Variants in ITGA9 observed in about 807,000 individuals in gnomAD.
ITGA9 encodes integrin alpha-9.
Under a neutral mutation model 127.8 loss-of-function variants are expected in ITGA9, and 56 were observed. The observed-to-expected ratio is 0.44, with a 90% CI of 0.35 to 0.55. ITGA9 has a LOEUF of 0.55. Among genes scored for constraint, ITGA9 ranks in the 20% least tolerant of loss-of-function variants. The pLI, the probability that ITGA9 is intolerant of heterozygous loss-of-function variation, is 0.00. For missense variants in ITGA9, 1,196 were observed against 1,347.1 expected (o/e 0.89, Z 1.76); for synonymous variants, 508 against 514.5 (o/e 0.99, Z 0.17).
At chr3:37,556,662 G>T (rs1329327772) in intron 15 of ITGA9, among the ~76,000 whole-genome samples, 2 of 152,346 alleles carry the variant, frequency 1.3e-5, no homozygotes, top group Non-Finnish European at 2.9e-5. Context: ...CCCTGGTGAC[G>T]CTGGTGCTGC....
chr3:37,757,839 T>C (rs2125541293), intron 23 of ITGA9, among the ~76,000 whole-genome samples: 1 of 151,780 alleles, frequency 6.6e-6, no homozygotes, highest in African/African-American at 2.4e-5. Context: ...CTAGTAGGCT[T>C]TCAAGGAATG....
At chr3:37,593,525 A>T (rs73064786) in intron 15 of ITGA9, among the ~76,000 whole-genome samples, 20,346 of 152,174 alleles carry the variant, frequency 0.13, 1,712 homozygotes, top group Admixed American at 0.28. Context: ...TGGCTTAGAG[A>T]CGGCCACCTT....
rs147565269 is a variant in ITGA9, at chr3:37,662,592, G to A, written c.1916+8802G>A. On this transcript the variant is annotated intron_variant, in intron 17 of 27. Transcript: ENST00000264741. ...CTGCCTTGGGTAGGTCTGTGGGGCA[G>A]CTGCCCTTCATCTCAGTGCAGGAGC... is the stretch of plus-strand genomic sequence containing the variant. 3.9e-3 allele frequency among the ~76,000 whole-genome samples: 589 copies of A among 152,308 alleles called. 5 individuals are homozygous for A. The Middle Eastern group carries it at 0.058, about 15-fold the overall frequency.
chr3:37,705,653 G>A (rs138064568), intron 18 of ITGA9, among the ~76,000 whole-genome samples: 2 of 152,238 alleles, frequency 1.3e-5, no homozygotes, highest in South Asian at 2.1e-4. Context: ...TTTCTGTATC[G>A]GCTTTCTAGC....
At chr3:37,511,177 C>CA (rs1235566568) in intron 8 of ITGA9, among the ~76,000 whole-genome samples, 2 of 152,042 alleles carry the variant, frequency 1.3e-5, no homozygotes, top group Non-Finnish European at 2.9e-5. Context: ...AGAAACAAAG[C>CA]AAAAAGATTA....
intron 23 of ITGA9, among the ~76,000 whole-genome samples, chr3:37,755,143 A>G (rs1696634734): frequency 6.6e-6 from 1 of 152,206 alleles, no homozygotes. Flanking sequence ...TTTAATCCTT[A>G]TGGCACCTTC....
intron 18 of ITGA9, among the ~76,000 whole-genome samples, chr3:37,714,773 C>T (rs1701116902): frequency 6.6e-6 from 1 of 152,182 alleles, no homozygotes; most frequent in South Asian, 2.1e-4. Flanking sequence ...AGCAAGCCTC[C>T]ATGACTCGAA....
At chr3:37,634,467 A>G (rs1700258471) in intron 16 of ITGA9, among the ~76,000 whole-genome samples, 1 of 152,350 alleles carries the variant, frequency 6.6e-6, no homozygotes, top group African/African-American at 2.4e-5. Context: ...CTTTAAGTCA[A>G]AAATAGACTT....
At position 37,543,781 on chromosome 3, in the gene ITGA9, C is replaced by G. The variant is rs542311278; in HGVS notation, c.1689+1196C>G. Among the ~76,000 whole-genome samples the G allele has an allele frequency of 9.5e-4, 145 of 152,344 alleles. No individual in the cohort carries two copies. In the Middle Eastern group the frequency reaches 0.02, roughly 21 times the overall value. ...AGAGAGATGCCCCACACACCCATGG[C>G]CCAGAGCCCATGAGTCCATGCCCCT... On this transcript the variant is annotated intron_variant, in intron 15 of 27. Coordinates refer to ENST00000264741, the MANE Select transcript of ITGA9 (RefSeq NM_002207.3).
intron 17 of ITGA9, among the ~76,000 whole-genome samples, chr3:37,682,868 C>T (rs977289400): frequency 2.0e-5 from 3 of 152,218 alleles, no homozygotes; most frequent in African/African-American, 4.8e-5. Flanking sequence ...CCCTCAGCTG[C>T]CATCACCCTG....
intron 8 of ITGA9, among the ~76,000 whole-genome samples, chr3:37,508,837 G>A (rs954886844): frequency 3.3e-5 from 5 of 152,114 alleles, no homozygotes; most frequent in African/African-American, 1.2e-4. Context: ...ACATTCTGTA[G>A]CAAGATGAGT....
chr3:37,648,061 A>G (rs1252042187), intron 16 of ITGA9, among the ~76,000 whole-genome samples: 1 of 151,798 alleles, frequency 6.6e-6, no homozygotes, highest in Non-Finnish European at 1.5e-5. Flanking sequence ...TTGCAGGGTC[A>G]TATAGTAGTT....
intron 15 of ITGA9, among the ~76,000 whole-genome samples, chr3:37,581,943 C>T (rs548621115): frequency 6.6e-6 from 1 of 152,314 alleles, no homozygotes; most frequent in African/African-American, 2.4e-5. Flanking sequence ...TTGAGAAACA[C>T]TGTCCTGGAG....
intron 19 of ITGA9, among the ~76,000 whole-genome samples, chr3:37,734,827 A>G (rs777617801): frequency 7.9e-5 from 12 of 152,318 alleles, no homozygotes; most frequent in East Asian, 3.9e-4. Context: ...AAGTATGAAC[A>G]TTGGAATGTT....
intron 16 of ITGA9, among the ~76,000 whole-genome samples, chr3:37,642,637 T>C (rs541143602): frequency 6.6e-6 from 1 of 152,358 alleles, no homozygotes; most frequent in South Asian, 2.1e-4. Context: ...ATGTTTGTAG[T>C]GACTACTTTT....
chr3:37,705,057 A>G (rs1416645588), intron 18 of ITGA9, among the ~76,000 whole-genome samples: 3 of 152,202 alleles, frequency 2.0e-5, no homozygotes, highest in Non-Finnish European at 2.9e-5. Flanking sequence ...AGAAGTACCA[A>G]ACTTACAAAT....
chr3:37,466,286 C>T (rs543616355), intron 1 of ITGA9, among the ~76,000 whole-genome samples: 35 of 151,894 alleles, frequency 2.3e-4, no homozygotes, highest in Admixed American at 1.4e-3. Flanking sequence ...AGTTCAAGAC[C>T]GGCCTTACCA....
chr3:37,482,012 G>T (rs1343878769), intron 4 of ITGA9, among the ~76,000 whole-genome samples: 1 of 152,216 alleles, frequency 6.6e-6, no homozygotes, highest in African/African-American at 2.4e-5. Flanking sequence ...CGAATATTCA[G>T]TGGTTGGCCC....
chr3:37,509,387 C>A (rs2125573847), intron 8 of ITGA9, among the ~76,000 whole-genome samples: 1 of 152,050 alleles, frequency 6.6e-6, no homozygotes, highest in South Asian at 2.1e-4. Context: ...CTGAGCTTGG[C>A]TACTCTAAGG....
Sources: allele counts gnomAD v4.1 joint callset (sites outside exome capture counted in the v4.1 genomes callset), GRCh38; gene constraint gnomAD v4.1.1; transcripts MANE v1.5; gene names NCBI Gene and HGNC (gene_info 2026-07-23, HGNC 2026-07-21).